The following PLPP2 variants were observed in gnomAD, a reference collection of about 807,000 sequenced individuals.
PLPP2 encodes the protein PAP2-gamma.
PLPP2 carries 29 observed loss-of-function variants against 35.2 expected under a neutral mutation model. That is an observed-to-expected ratio of 0.82 (90% confidence interval 0.61 to 1.12). The LOEUF (loss-of-function observed/expected upper bound fraction) is 1.12. Among genes scored for constraint, PLPP2 ranks in the 50% most tolerant of loss-of-function variants. PLPP2 has a pLI of 0.00. For synonymous variants in PLPP2, 162 were observed against 167.0 expected (o/e 0.97, Z 0.23); for missense variants, 353 against 375.2 (o/e 0.94, Z 0.49).
intron 1 of PLPP2, chr19:290,966 G>C: frequency 7.2e-6 from 9 of 1,242,674 alleles, no homozygotes; most frequent in Non-Finnish European, 9.0e-6. Context: ...CAGGCCAGGC[G>C]GGGCGGGATG....
chr19:288,311 A>C, intron 1 of PLPP2, 140 bp from the exon 2 acceptor site: 1 of 781,570 alleles, frequency 1.3e-6, no homozygotes, highest in Non-Finnish European at 1.9e-6. Context: ...CACAGCCCAA[A>C]TAACACTCCC....
chr19:282,215 G>A lies in PLPP2; in HGVS notation c.636C>T (p.Tyr212=). 2 of 1,613,874 alleles carry A rather than the reference G, an allele frequency of 1.2e-6. No individual in the cohort carries two copies. The highest frequency in any genetic ancestry group is 1.7e-6 in the Non-Finnish European group (2 of 1,179,878). The change falls in exon 5 of 6, where the codon TAC becomes TAT. Residue 212 remains tyrosine (Y), a synonymous_variant. Transcript: ENST00000434325. ...FLVAFALYVG[Y]TRVSDYKHHW... ...GGTGTTTGTAATCAGACACGCGGGTGTAGCCCACGTAGAGGGCAAAGGCCA... is the reference window on the plus strand; with the variant it reads ...GGTGTTTGTAATCAGACACGCGGGTATAGCCCACGTAGAGGGCAAAGGCCA...
At position 289,919 on chromosome 19, in the gene PLPP2, G is replaced by A. The variant is rs144006874; in HGVS notation, c.52+1366C>T. 6.6e-3 allele frequency among the ~76,000 whole-genome samples: 1,000 copies of A among 152,086 alleles called. 12 individuals are homozygous for A. Among genetic ancestry groups the A allele is most frequent in the African/African-American group, 0.023 (969 of 41,490 alleles). On this transcript the variant is annotated intron_variant, in intron 1 of 5. Transcript: ENST00000434325. ...GTGCAGCCCGACCACAGCTCTTATC[G>A]GGCGGAGGCTCACACAGGTTAGCCT...
chr19:288,320 C>T lies in PLPP2; in HGVS notation c.53-149G>A, dbSNP rs10418914. ...TTTTTTCACAGCCCAAATAACACTC[C>T]CTTTCGCATCCCCTCAGACAAACAC... On this transcript the variant is annotated intron_variant, in intron 1 of 5. Coordinates refer to ENST00000434325, the MANE Select transcript of PLPP2 (RefSeq NM_003712.4). 0.017 allele frequency: 11,428 copies of T among 677,232 alleles called. 940 individuals carry two copies. The African/African-American group carries it at 0.21, about 12-fold the overall frequency. The allele number at this position is 677,232 out of a possible 1,614,324, so 42.0% of individuals were successfully genotyped here. A position where few individuals can be genotyped will look rare whatever the true frequency, so the allele number is the denominator to read the frequency against.
At position 288,620 on chromosome 19, in the gene PLPP2, G is replaced by A. The variant is rs140887190; in HGVS notation, c.53-449C>T. The A allele has an allele frequency of 3.7e-3, 571 of 154,434 alleles. 1 individual carries two copies. The highest frequency in any genetic ancestry group is 5.7e-3 in the Non-Finnish European group (394 of 69,520). 9.6% of individuals were successfully genotyped at this position (154,434 alleles called of 1,614,324 possible). On this transcript the variant is annotated intron_variant, in intron 1 of 5. Transcript: ENST00000434325. ...CCCAAAGTATCTCTAATTTATGTGC[G>A]GGGCCCCAAAGTAGCTCTGAGTAAC...
At chr19:285,099 G>C (rs1206165517) in intron 3 of PLPP2, 3 of 149,430 alleles carry the variant, frequency 2.0e-5, no homozygotes, top group African/African-American at 7.4e-5. Flanking sequence ...CTGGGAGACA[G>C]AGCAAGACTC....
In PLPP2 at chr19:291,338, G is replaced by T. The variant is rs559255552; in HGVS notation, c.-2C>A. The T allele has an allele frequency of 6.3e-7, 1 of 1,591,206 alleles. No homozygotes were observed. Among genetic ancestry groups the T allele is most frequent in the South Asian group, 1.1e-5 (1 of 88,668 alleles). ...CACGAAGACCCACCTCCGCTGCATG[G>T]TCCCCGCGACCCCCGACGCCGGTCC... On this transcript the variant is annotated 5_prime_UTR_variant, in exon 1 of 6. Transcript: ENST00000434325.
rs1415302243 is a variant in PLPP2 at position 282,107 on chromosome 19, G to A, written c.717+27C>T. 1.9e-6 allele frequency: 3 copies of A among 1,611,246 alleles called. No individual in the cohort carries two copies. The African/African-American group carries it at 4.0e-5, about 22-fold the overall frequency. ...GGGGAGTGGTCTCTGGACAACACAG[G>A]GGATAGAGTTAGGGTTAGAAGCTCA... On this transcript the variant is annotated intron_variant, in intron 5 of 5. Transcript: ENST00000434325.
chr19:288,783 C>A (rs1026934280), intron 1 of PLPP2, among the ~76,000 whole-genome samples: 1 of 152,152 alleles, frequency 6.6e-6, no homozygotes, highest in Non-Finnish European at 1.5e-5. Flanking sequence ...GAATTGATTT[C>A]CCCCCATCCA....
At chr19:281,639 AG>A in intron 5 of PLPP2, 102 bp from the exon 6 acceptor site, 1 of 1,140,094 alleles carries the variant, frequency 8.8e-7, no homozygotes. Flanking sequence ...GGTGGGAGCG[AG>A]GGGCCTAGGT....
At chr19:281,586 C>A in intron 5 of PLPP2, 49 bp from the exon 6 acceptor site, 1 of 1,407,670 alleles carries the variant, frequency 7.1e-7, no homozygotes. Flanking sequence ...GTCCAGGTAC[C>A]AGGGACATGG....
intron 1 of PLPP2, among the ~76,000 whole-genome samples, chr19:289,516 C>A (rs1472115417): frequency 1.3e-5 from 2 of 151,728 alleles, no homozygotes; most frequent in Admixed American, 1.3e-4. Context: ...GAGATCGAGA[C>A]CATCCTGGCT....
In PLPP2 at chr19:287,764, C is replaced by T. The variant is rs745847932; in HGVS notation, c.205-13G>A. Reference sequence around the variant, plus strand: ...CCCCGGCCGAGACCTGCAAGAGCAGCCGCAGGAACCAGTGGGGGTCTCGGT... The same window carrying T: ...CCCCGGCCGAGACCTGCAAGAGCAGTCGCAGGAACCAGTGGGGGTCTCGGT... On this transcript the variant is annotated splice_polypyrimidine_tract_variant and intron_variant, in intron 2 of 5. Transcript: ENST00000434325. The surrounding 1 kb of genome is among the most constrained non-coding windows in gnomAD (Gnocchi z 4.3). The T allele has an allele frequency of 1.9e-5, 30 of 1,612,504 alleles. No individual in the cohort carries two copies. Among genetic ancestry groups the T allele is most frequent in the Non-Finnish European group, 2.4e-5 (28 of 1,179,216 alleles).
In PLPP2 at chr19:287,294, T is replaced by C. The variant is rs546466218; in HGVS notation, c.482+180A>G. 17 of 731,016 alleles carry C rather than the reference T, an allele frequency of 2.3e-5. No homozygotes were observed. The highest frequency in any genetic ancestry group is 3.3e-5 in the Non-Finnish European group (15 of 457,868). 45.3% of individuals were successfully genotyped at this position (731,016 alleles called of 1,614,324 possible). A position where few individuals can be genotyped will look rare whatever the true frequency, so the allele number is the denominator to read the frequency against. ...ATACTTAAAGCAAAAACTGACAGAA[T>C]GTTACAACATGGATGAACTTCAAAA... On this transcript the variant is annotated intron_variant, in intron 3 of 5. Transcript: ENST00000434325. The surrounding 1 kb of genome is among the most constrained non-coding windows in gnomAD (Gnocchi z 4.3).
At chr19:288,257 C>T (rs2145276168) in intron 1 of PLPP2, 86 bp from the exon 2 acceptor site, 2 of 1,369,794 alleles carry the variant, frequency 1.5e-6, no homozygotes, top group South Asian at 2.8e-5. Context: ...GGCCTGGAGG[C>T]CTCCCACCTC....
rs773977294 is a variant in PLPP2, at chr19:287,635, G to A, written c.321C>T (p.Ala107=). The change falls in exon 3 of 6, where the codon GCC becomes GCT. Residue 107 remains alanine, a synonymous_variant. Coordinates refer to ENST00000434325, the MANE Select transcript of PLPP2 (RefSeq NM_003712.4). This position sits in a 1 kb window ranked among gnomAD's most constrained non-coding sequence, Gnocchi z 4.3. ...KVLGTFLFGA[A]VSQSLTDLAK... ...CCAGGTCTGTCAGAGACTGGCTCAC[G>A]GCAGCCCCAAACAGGAAGGTCCCCA... 17 of 1,613,784 alleles carry A rather than the reference G, an allele frequency of 1.1e-5. No individual in the cohort carries two copies. Among genetic ancestry groups the A allele is most frequent in the Admixed American group, 6.7e-5 (4 of 60,008 alleles).
chr19:284,438 C>T (rs1970235580), intron 3 of PLPP2: 1 of 152,000 alleles, frequency 6.6e-6, no homozygotes, highest in East Asian at 1.9e-4. Context: ...GAAATTGTCC[C>T]TCAGGACACC....
intron 3 of PLPP2, 26 bp from the exon 4 acceptor site, chr19:282,835 C>T: frequency 6.2e-7 from 1 of 1,609,932 alleles, no homozygotes. Context: ...GGGCAGGTGG[C>T]TCACTCAGCG....
rs771429250 is a variant in PLPP2 at position 288,064 on chromosome 19, G to A, written c.160C>T (p.His54Tyr). Residue 54 changes from histidine to tyrosine, a missense_variant, in exon 2 of 6, where the codon CAC becomes TAC. Physicochemically the swap from His to Tyr is moderately conservative, Grantham distance 83. Transcript: ENST00000434325. ...ATGGTGACCCCAGCCATGAGCCCGT[G>A]GGTGATGGTATCTGGACGGTAGGGG... ...RYPYRPDTIT[H>Y]GLMAGVTITA... 18 of 1,613,742 alleles carry A rather than the reference G, an allele frequency of 1.1e-5. No individual in the cohort carries two copies. In the South Asian group the frequency reaches 1.9e-4, roughly 17 times the overall value.
Sources: allele counts gnomAD v4.1 joint callset (sites outside exome capture counted in the v4.1 genomes callset), GRCh38; gene constraint gnomAD v4.1.1; non-coding constraint Gnocchi (gnomAD v3.1); transcripts MANE v1.5; gene names NCBI Gene and HGNC (gene_info 2026-07-23, HGNC 2026-07-21).